Variants in LSAMP observed in about 807,000 individuals in gnomAD.
LSAMP encodes the protein limbic system-associated membrane protein.
Under a neutral mutation model 38.6 loss-of-function variants are expected in LSAMP, and 7 were observed. The ratio of observed to expected loss-of-function variants is 0.18; its 90% CI spans 0.10 to 0.34. The LOEUF (loss-of-function observed/expected upper bound fraction) is 0.34, where lower values mean the gene tolerates loss of function less well. Among genes scored for constraint, LSAMP ranks in the 10% least tolerant of loss-of-function variants. The probability of loss-of-function intolerance (pLI) is 1.00; values close to 1 mark genes in which losing one functional copy is unlikely to be tolerated. For synonymous variants in LSAMP, 154 were observed against 166.8 expected (o/e 0.92, Z 0.59); for missense variants, 313 against 420.0 (o/e 0.75, Z 2.23).
intron 3 of LSAMP, among the ~76,000 whole-genome samples, chr3:115,953,644 AG>A (rs1158843046): frequency 6.6e-6 from 1 of 152,180 alleles, no homozygotes; most frequent in African/African-American, 2.4e-5. Flanking sequence ...GGAGATTAAA[AG>A]GGCAAGGTTT....
chr3:116,276,514 G>A (rs888882620), intron 1 of LSAMP, among the ~76,000 whole-genome samples: 1 of 151,886 alleles, frequency 6.6e-6, no homozygotes, highest in Non-Finnish European at 1.5e-5. Context: ...TGGACTTTGG[G>A]GACTTGCAGG....
chr3:116,380,089 C>T (rs954063239), intron 1 of LSAMP, among the ~76,000 whole-genome samples: 10 of 151,722 alleles, frequency 6.6e-5, no homozygotes, highest in African/African-American at 1.9e-4. Context: ...TCCATGCTAC[C>T]CATTCAGGCC....
At position 115,957,421 on chromosome 3, in the gene LSAMP, C is replaced by T. The variant is rs147630715; in HGVS notation, c.514+62094G>A. Among the ~76,000 whole-genome samples the T allele has an allele frequency of 5.4e-4, 82 of 152,268 alleles. 2 individuals are homozygous for T. Among genetic ancestry groups the T allele is most frequent in the African/African-American group, 1.9e-3 (80 of 41,558 alleles). On this transcript the variant is annotated intron_variant, in intron 3 of 6. Transcript: ENST00000490035. ...TACTGTCCTTGCCCCAAACTTCATC[C>T]TGACCAGCCTGAGGCCCCATCACCT...
intron 2 of LSAMP, 26 bp downstream of exon 2, chr3:116,086,298 A>C: frequency 6.4e-7 from 1 of 1,568,506 alleles, no homozygotes; most frequent in Non-Finnish European, 8.8e-7. Context: ...CTTTCTTACC[A>C]CCCTTCTATC....
At chr3:115,864,536 T>C (rs1211162529) in intron 3 of LSAMP, among the ~76,000 whole-genome samples, 1 of 152,168 alleles carries the variant, frequency 6.6e-6, no homozygotes, top group African/African-American at 2.4e-5. Flanking sequence ...TCCCTAATGA[T>C]ATGAACTATA....
At chr3:116,005,721 G>A (rs764547949) in intron 3 of LSAMP, among the ~76,000 whole-genome samples, 2 of 152,280 alleles carry the variant, frequency 1.3e-5, no homozygotes, top group African/African-American at 4.8e-5. Context: ...TCACACATGC[G>A]TAAAACAAAT....
At chr3:116,197,900 GATATAA>G (rs1361527824) in intron 1 of LSAMP, among the ~76,000 whole-genome samples, 1 of 151,948 alleles carries the variant, frequency 6.6e-6, no homozygotes, top group Non-Finnish European at 1.5e-5. Context: ...TTGATATATA[GATATAA>G]ATATATATGA....
chr3:116,236,539 T>C (rs548411487), intron 1 of LSAMP, among the ~76,000 whole-genome samples: 35 of 152,282 alleles, frequency 2.3e-4, no homozygotes, highest in Admixed American at 1.3e-3. Flanking sequence ...TCTGAAATAC[T>C]AAACCACATA....
chr3:115,823,616 T>C (rs990552409), intron 6 of LSAMP, among the ~76,000 whole-genome samples: 1 of 152,224 alleles, frequency 6.6e-6, no homozygotes, highest in Non-Finnish European at 1.5e-5. Context: ...GAAAACTATT[T>C]GTAAAAACAA....
At chr3:116,124,059 G>C (rs1358461913) in intron 1 of LSAMP, among the ~76,000 whole-genome samples, 1 of 152,150 alleles carries the variant, frequency 6.6e-6, no homozygotes, top group Non-Finnish European at 1.5e-5. Context: ...AGCAACAAAT[G>C]CAACATGCTT....
At chr3:116,095,444 T>C (rs1708206973) in intron 1 of LSAMP, among the ~76,000 whole-genome samples, 1 of 152,190 alleles carries the variant, frequency 6.6e-6, no homozygotes, top group Non-Finnish European at 1.5e-5. Flanking sequence ...GAAGCACAGA[T>C]GCATATCCAT....
chr3:116,426,903 A>G (rs1188265237), intron 1 of LSAMP, among the ~76,000 whole-genome samples: 1 of 151,478 alleles, frequency 6.6e-6, no homozygotes, highest in Non-Finnish European at 1.5e-5. Context: ...CAAGGTTAAA[A>G]AAAAAAAAAG....
intron 1 of LSAMP, among the ~76,000 whole-genome samples, chr3:116,317,466 C>T (rs1442632347): frequency 9.2e-5 from 14 of 152,142 alleles, no homozygotes; most frequent in Admixed American, 7.8e-4. Flanking sequence ...CGCCATTCTC[C>T]TGCCTCAGCC....
chr3:116,341,119 C>G (rs1576143589), intron 1 of LSAMP, among the ~76,000 whole-genome samples: 1 of 151,810 alleles, frequency 6.6e-6, no homozygotes, highest in East Asian at 1.9e-4. Flanking sequence ...TTAACAACTC[C>G]AAGTAATGCA....
intron 1 of LSAMP, among the ~76,000 whole-genome samples, chr3:116,391,239 T>C (rs1370058527): frequency 6.6e-6 from 1 of 151,458 alleles, no homozygotes; most frequent in Non-Finnish European, 1.5e-5. Flanking sequence ...GCGCTGGCAG[T>C]AGCGGCAGGA....
chr3:115,828,190 G>A (rs1199854274), intron 6 of LSAMP, among the ~76,000 whole-genome samples: 1 of 152,118 alleles, frequency 6.6e-6, no homozygotes, highest in Non-Finnish European at 1.5e-5. Context: ...CATACGTAAT[G>A]CCTGGTAAAT....
chr3:116,163,577 T>C (rs1354408514), intron 1 of LSAMP, among the ~76,000 whole-genome samples: 1 of 151,822 alleles, frequency 6.6e-6, no homozygotes, highest in Non-Finnish European at 1.5e-5. Context: ...TTATAATCCT[T>C]TGGGGTATAT....
chr3:116,178,096 C>CGTGTGT lies in LSAMP; in HGVS notation c.156-91546_156-91541dup, dbSNP rs10662261. On this transcript the variant is annotated intron_variant, in intron 1 of 6. Transcript: ENST00000490035. The stretch of plus-strand genomic sequence containing the variant: ...GCTATTGCTCTGATAGTCTTGTGTA[C>CGTGTGT]GTGTGTGTGTGTGTGTGTGTGTGTA... Among the ~76,000 whole-genome samples the CGTGTGT allele has an allele frequency of 3.9e-4, 58 of 150,148 alleles. No individual in the cohort carries two copies. The East Asian group carries it at 7.1e-3, about 18-fold the overall frequency.
At chr3:116,062,514 T>G (rs1941611898) in intron 2 of LSAMP, among the ~76,000 whole-genome samples, 2 of 151,738 alleles carry the variant, frequency 1.3e-5, no homozygotes, top group African/African-American at 4.8e-5. Context: ...AGACTCCCTC[T>G]CAAAAAAAAA....
Sources: gnomAD v4.1 joint callset for allele counts (sites outside exome capture counted in the v4.1 genomes callset) on GRCh38, gnomAD v4.1.1 for gene constraint, MANE v1.5 for transcripts, NCBI Gene and HGNC (gene_info 2026-07-23, HGNC 2026-07-21) for gene names.